Variants in VEGFC observed in about 807,000 individuals in gnomAD.
VEGFC encodes FLT4 ligand DHM.
Under a neutral mutation model 46.1 loss-of-function variants are expected in VEGFC, and 12 were observed. The observed-to-expected ratio is 0.26, with a 90% CI of 0.17 to 0.42. The LOEUF is 0.42. Among genes scored for constraint, VEGFC ranks in the 10% least tolerant of loss-of-function variants. The probability of loss-of-function intolerance (pLI) is 1.00; values close to 1 mark genes in which losing one functional copy is unlikely to be tolerated. For missense variants in VEGFC, 488 were observed against 529.4 expected (o/e 0.92, Z 0.77); for synonymous variants, 232 against 195.5 (o/e 1.19, Z -1.56).
At chr4:176,707,675 A>T (rs983200587) in intron 4 of VEGFC, among the ~76,000 whole-genome samples, 6 of 152,180 alleles carry the variant, frequency 3.9e-5, no homozygotes, top group African/African-American at 1.4e-4. Context: ...AGAAAATAAT[A>T]TTCCTTAATA....
chr4:176,685,825 A>C (rs1024544139), intron 6 of VEGFC, among the ~76,000 whole-genome samples: 2 of 152,188 alleles, frequency 1.3e-5, no homozygotes, highest in Non-Finnish European at 2.9e-5. Context: ...TAAGGGAAGA[A>C]AAATATAATC....
intron 1 of VEGFC, among the ~76,000 whole-genome samples, chr4:176,741,537 C>G (rs887406868): frequency 6.6e-6 from 1 of 151,870 alleles, no homozygotes; most frequent in Non-Finnish European, 1.5e-5. Context: ...ACCGTCAGAT[C>G]TTAATTTTAA....
chr4:176,687,522 T>C lies in VEGFC; in HGVS notation c.812-2A>G. 1 of 1,576,914 alleles carries C rather than the reference T, an allele frequency of 6.3e-7. No homozygotes were observed. Among genetic ancestry groups the C allele is most frequent in the Non-Finnish European group, 8.6e-7 (1 of 1,163,034 alleles). On this transcript the variant is annotated splice_acceptor_variant, in intron 5 of 6. Transcript: ENST00000618562. LOFTEE classifies it high-confidence loss of function. ...TGTCATGGAATCCATCTGTTGAGTC[T>C]AGACAAATAGTCAGAGAATCTTTAC...
At chr4:176,717,991 A>G (rs2111005708) in intron 3 of VEGFC, among the ~76,000 whole-genome samples, 1 of 152,278 alleles carries the variant, frequency 6.6e-6, no homozygotes, top group East Asian at 1.9e-4. Context: ...ACATATTGTT[A>G]TGCATAAAAA....
At chr4:176,739,939 T>C (rs1227203010) in intron 1 of VEGFC, among the ~76,000 whole-genome samples, 2 of 142,872 alleles carry the variant, frequency 1.4e-5, no homozygotes, top group South Asian at 2.2e-4. Context: ...ATTATGGCTA[T>C]AGAATATATA....
intron 1 of VEGFC, among the ~76,000 whole-genome samples, chr4:176,741,651 A>G (rs1034121492): frequency 1.3e-5 from 2 of 151,986 alleles, no homozygotes; most frequent in African/African-American, 4.8e-5. Context: ...CATTACATGT[A>G]TATTGCAAAT....
chr4:176,722,023 T>C (rs968226754), intron 3 of VEGFC, among the ~76,000 whole-genome samples: 2 of 151,874 alleles, frequency 1.3e-5, no homozygotes, highest in African/African-American at 4.8e-5. Context: ...AAAATTAAAA[T>C]GACAAAATAA....
At chr4:176,743,309 CAA>C (rs1014206471) in intron 1 of VEGFC, among the ~76,000 whole-genome samples, 30 of 151,678 alleles carry the variant, frequency 2.0e-4, no homozygotes, top group African/African-American at 7.2e-4. Flanking sequence ...ATATTTGGGA[CAA>C]AAAAATCTGT....
At chr4:176,709,120 A>T (rs183501677) in intron 4 of VEGFC, among the ~76,000 whole-genome samples, 4 of 152,296 alleles carry the variant, frequency 2.6e-5, no homozygotes, top group Admixed American at 1.3e-4. Flanking sequence ...TAATGATGAA[A>T]ACATGGCAAA....
At chr4:176,786,063 G>A (rs1166419086) in intron 1 of VEGFC, among the ~76,000 whole-genome samples, 2 of 152,290 alleles carry the variant, frequency 1.3e-5, no homozygotes, top group East Asian at 1.9e-4. Flanking sequence ...CCACTGTAAT[G>A]AGAAAGGCAG....
At chr4:176,753,182 T>G (rs1735368629) in intron 1 of VEGFC, among the ~76,000 whole-genome samples, 1 of 151,986 alleles carries the variant, frequency 6.6e-6, no homozygotes, top group Admixed American at 6.6e-5. Context: ...AACAGCAAAT[T>G]GTTTATTATT....
intron 6 of VEGFC, among the ~76,000 whole-genome samples, chr4:176,685,801 T>A (rs575501991): frequency 6.6e-6 from 1 of 152,134 alleles, no homozygotes; most frequent in Non-Finnish European, 1.5e-5. Flanking sequence ...ATACCTATGA[T>A]GTACTTTGCA....
chr4:176,738,202 T>TA (rs1260467918), intron 1 of VEGFC, among the ~76,000 whole-genome samples: 2 of 151,976 alleles, frequency 1.3e-5, no homozygotes, highest in African/African-American at 2.4e-5. Context: ...GAAAAACTTT[T>TA]AAAAAATTCA....
At chr4:176,734,210 G>A (rs987724005) in intron 1 of VEGFC, among the ~76,000 whole-genome samples, 2 of 151,588 alleles carry the variant, frequency 1.3e-5, no homozygotes, top group Non-Finnish European at 2.9e-5. Context: ...AACTTCTATT[G>A]CTTTATGTTT....
At position 176,772,526 on chromosome 4, in the gene VEGFC, A is replaced by G. The variant is rs1579134979; in HGVS notation, c.147+19639T>C. 2.0e-5 allele frequency among the ~76,000 whole-genome samples: 3 copies of G among 152,232 alleles called. No individual in the cohort carries two copies. The East Asian group carries it at 5.8e-4, about 29-fold the overall frequency. On this transcript the variant is annotated intron_variant, in intron 1 of 6. Transcript: ENST00000618562. ...CCTGGAGAAAACAAATCTAGAAAGT[A>G]CAATGACGCAATGTCACAAATGTGG...
At chr4:176,749,140 A>G (rs1735302436) in intron 1 of VEGFC, among the ~76,000 whole-genome samples, 1 of 151,994 alleles carries the variant, frequency 6.6e-6, no homozygotes, top group South Asian at 2.1e-4. Context: ...TTGGTCTCAA[A>G]TAGGGAAGAC....
At chr4:176,709,219 C>T (rs912261726) in intron 4 of VEGFC, among the ~76,000 whole-genome samples, 1 of 152,148 alleles carries the variant, frequency 6.6e-6, no homozygotes, top group African/African-American at 2.4e-5. Context: ...GTGTGATTTC[C>T]ACCTTTATCT....
At chr4:176,764,718 T>C (rs2110916423) in intron 1 of VEGFC, among the ~76,000 whole-genome samples, 1 of 152,320 alleles carries the variant, frequency 6.6e-6, no homozygotes, top group East Asian at 1.9e-4. Context: ...TGTCATATTC[T>C]AATGGAACTG....
intron 6 of VEGFC, among the ~76,000 whole-genome samples, 187 bp downstream of exon 6, chr4:176,687,000 G>A (rs1734053098): frequency 6.6e-6 from 1 of 151,980 alleles, no homozygotes; most frequent in African/African-American, 2.4e-5. Context: ...CTCCTGTCTT[G>A]CTTTTTTGGA....
Sources: allele counts gnomAD v4.1 joint callset (sites outside exome capture counted in the v4.1 genomes callset), GRCh38; gene constraint gnomAD v4.1.1; transcripts MANE v1.5; gene names NCBI Gene and HGNC (gene_info 2026-07-23, HGNC 2026-07-21).